SLC25A26: variants seen among roughly 807,000 people sequenced by gnomAD.
SLC25A26 encodes solute carrier family 25 member 26.
SLC25A26 carries 36 observed loss-of-function variants against 37.8 expected under a neutral mutation model. That is an observed-to-expected ratio of 0.95 (90% CI 0.73 to 1.26). SLC25A26 has a LOEUF of 1.26. Among genes scored for constraint, SLC25A26 ranks in the 50% most tolerant of loss-of-function variants. The pLI, the probability that SLC25A26 is intolerant of heterozygous loss-of-function variation, is 0.00. For missense variants in SLC25A26, 390 were observed against 331.1 expected, an observed-to-expected ratio of 1.18 and a Z score of -1.38; for synonymous variants, 129 against 122.5, an observed-to-expected ratio of 1.05 and a Z score of -0.35.
At chr3:66,293,335 C>T (rs1482481957) in intron 5 of SLC25A26, 1 of 152,038 alleles carries the variant, frequency 6.6e-6, no homozygotes, top group Non-Finnish European at 1.5e-5. Flanking sequence ...ATCATATACA[C>T]CAAACACCCC....
At chr3:66,252,861 T>G (rs1198753827) in intron 3 of SLC25A26, among the ~76,000 whole-genome samples, 1 of 152,216 alleles carries the variant, frequency 6.6e-6, no homozygotes, top group Non-Finnish European at 1.5e-5. Context: ...TATTTCTCTG[T>G]ATACTTCCAG....
At chr3:66,188,116 A>G (rs2070865686) in intron 1 of SLC25A26, among the ~76,000 whole-genome samples, 2 of 152,068 alleles carry the variant, frequency 1.3e-5, no homozygotes, top group South Asian at 4.2e-4. Context: ...ATCTTGATAC[A>G]AACCCTAACC....
intron 3 of SLC25A26, among the ~76,000 whole-genome samples, chr3:66,253,034 C>CCT (rs2073150340): frequency 6.8e-6 from 1 of 147,700 alleles, no homozygotes; most frequent in Admixed American, 6.7e-5. Flanking sequence ...CCCCCCCCCC[C>CCT]CCATAAATAT....
At chr3:66,193,558 A>C (rs1488145578) in intron 1 of SLC25A26, among the ~76,000 whole-genome samples, 2 of 152,176 alleles carry the variant, frequency 1.3e-5, no homozygotes, top group Non-Finnish European at 2.9e-5. Context: ...GGCAGCTCAC[A>C]AATAAATAAA....
intron 6 of SLC25A26, chr3:66,355,989 A>G (rs1477831434): frequency 4.4e-6 from 2 of 455,668 alleles, no homozygotes; most frequent in South Asian, 3.1e-5. Flanking sequence ...TTATTTTACT[A>G]CATGTATAAA....
intron 1 of SLC25A26, among the ~76,000 whole-genome samples, chr3:66,141,572 G>A (rs959757539): frequency 6.6e-6 from 1 of 151,852 alleles, no homozygotes; most frequent in African/African-American, 2.4e-5. Context: ...CAGTGCAGTG[G>A]CATGATCTTG....
chr3:66,154,788 G>C (rs1456136105), intron 1 of SLC25A26, among the ~76,000 whole-genome samples: 2 of 152,010 alleles, frequency 1.3e-5, no homozygotes, highest in Non-Finnish European at 2.9e-5. Flanking sequence ...GGCGGGCCTT[G>C]TTTACTTTGG....
intron 1 of SLC25A26, among the ~76,000 whole-genome samples, chr3:66,154,420 C>G (rs111703710): frequency 5.3e-5 from 8 of 152,226 alleles, no homozygotes; most frequent in African/African-American, 1.4e-4. Flanking sequence ...TCCACACTTA[C>G]TGTCTCATGG....
chr3:66,253,031 C>CG (rs1337804568), intron 3 of SLC25A26, among the ~76,000 whole-genome samples: 4 of 148,358 alleles, frequency 2.7e-5, no homozygotes, highest in Admixed American at 6.7e-5. Context: ...ATGCCCCCCC[C>CG]CCCCCATAAA....
rs765028207 is a variant in SLC25A26, at chr3:66,262,084, G to C, written c.334G>C (p.Val112Leu). ...CCTGATTCGAGTTCCATCTGAAGTG[G>C]TTAAGCAGAGGGCACAGGTATCTGC... ...ACLIRVPSEVVKQRAQVSAST... is the reference protein window; with the variant it reads ...ACLIRVPSEVLKQRAQVSAST... The change falls in exon 4 of 10, where the codon GTT (valine) becomes CTT (leucine). Residue 112 changes from valine (V) to leucine (L), a missense_variant. Physicochemically the swap from Val to Leu is conservative, Grantham distance 32 (BLOSUM62 1). Coordinates refer to ENST00000354883, the MANE Select transcript of SLC25A26 (RefSeq NM_001379210.1). 1 of 1,590,556 alleles carries C rather than the reference G, an allele frequency of 6.3e-7. No homozygotes were observed. Among genetic ancestry groups the C allele is most frequent in the Non-Finnish European group, 8.6e-7 (1 of 1,167,466 alleles).
intron 1 of SLC25A26, among the ~76,000 whole-genome samples, chr3:66,181,320 T>C (rs1258481054): frequency 6.6e-6 from 1 of 152,214 alleles, no homozygotes; most frequent in Non-Finnish European, 1.5e-5. Context: ...CACTTACTAG[T>C]AGTGTGACCT....
chr3:66,311,468 C>T (rs1036261349), intron 5 of SLC25A26, among the ~76,000 whole-genome samples: 5 of 151,962 alleles, frequency 3.3e-5, no homozygotes, highest in Non-Finnish European at 7.4e-5. Context: ...TTTGTTATTA[C>T]CCACCTTCTG....
At position 66,221,184 on chromosome 3, in the gene SLC25A26, C is replaced by T. The variant is rs955729571; in HGVS notation, c.33+57C>T. ...GAGTGCCGGCGTCCGGCATTGGAGC[C>T]CGCGGGCGTTCTCTGCACTGGTTTT... On this transcript the variant is annotated intron_variant, in intron 1 of 9. Coordinates refer to ENST00000354883, the MANE Select transcript of SLC25A26 (RefSeq NM_001379210.1). 18 of 1,484,526 alleles carry T rather than the reference C, an allele frequency of 1.2e-5. No homozygotes were observed. The African/African-American group carries it at 2.6e-4, about 21-fold the overall frequency. The allele number at this position is 1,484,526 out of a possible 1,614,324, so 92.0% of individuals were successfully genotyped here.
chr3:66,143,901 T>C (rs1244071165), intron 1 of SLC25A26, among the ~76,000 whole-genome samples: 1 of 151,952 alleles, frequency 6.6e-6, no homozygotes, highest in African/African-American at 2.4e-5. Context: ...TTAATAACTT[T>C]AAGATGAGAA....
At chr3:66,167,699 C>A (rs1200489183) in intron 1 of SLC25A26, among the ~76,000 whole-genome samples, 1 of 152,184 alleles carries the variant, frequency 6.6e-6, no homozygotes, top group Non-Finnish European at 1.5e-5. Context: ...AATATTATTT[C>A]ATTCAATTCT....
intron 3 of SLC25A26, among the ~76,000 whole-genome samples, chr3:66,260,194 C>T (rs1438503091): frequency 6.6e-6 from 1 of 151,990 alleles, no homozygotes; most frequent in African/African-American, 2.4e-5. Context: ...GTCCATGCGC[C>T]CCACCCCCCT....
At chr3:66,219,186 T>C (rs1356330958), upstream of SLC25A26, among the ~76,000 whole-genome samples, 1 of 152,198 alleles carries the variant, frequency 6.6e-6, no homozygotes, top group Non-Finnish European at 1.5e-5. Context: ...AGCTTATTAA[T>C]AGAAACTTGA....
At chr3:66,351,706 C>G (rs1290397942) in intron 6 of SLC25A26, among the ~76,000 whole-genome samples, 1 of 152,128 alleles carries the variant, frequency 6.6e-6, no homozygotes, top group Admixed American at 6.5e-5. Flanking sequence ...CTGTTCCTTC[C>G]TAGTTGGTCC....
At chr3:66,212,714 C>A (rs1173156789) in intron 1 of SLC25A26, among the ~76,000 whole-genome samples, 1 of 152,288 alleles carries the variant, frequency 6.6e-6, no homozygotes, top group South Asian at 2.1e-4. Flanking sequence ...CTCTGGACAT[C>A]TCACCTAAAT....
Sources: allele counts gnomAD v4.1 joint callset (sites outside exome capture counted in the v4.1 genomes callset), GRCh38; gene constraint gnomAD v4.1.1; transcripts MANE v1.5; gene names NCBI Gene and HGNC (gene_info 2026-07-23, HGNC 2026-07-21).